Variants in ATP8A1 observed in about 807,000 individuals in gnomAD.
ATP8A1 encodes phospholipid-transporting ATPase IA.
In ATP8A1, 90 loss-of-function variants were observed where a neutral mutation model predicts 177.7. The observed-to-expected ratio is 0.51, with a 90% CI of 0.43 to 0.60. The LOEUF is 0.60. ATP8A1 is among the 20% of genes least tolerant of loss of function. ATP8A1 has a pLI of 0.00. For synonymous variants in ATP8A1, 493 were observed against 485.9 expected (o/e 1.01, Z -0.19); for missense variants, 1,072 against 1,392.8 (o/e 0.77, Z 3.67).
rs181613028 is a variant in ATP8A1, at chr4:42,552,329, C to T, written c.1519+176G>A. On this transcript the variant is annotated intron_variant, in intron 17 of 36. Transcript: ENST00000381668. ...GCCAAAAATTACATATACAAAGTTA[C>T]ACATTTTAAAATATCATGTACATAT... Among the ~76,000 whole-genome samples, 50 of 152,286 alleles carry T rather than the reference C, an allele frequency of 3.3e-4. 1 individual carries two copies. The highest frequency in any genetic ancestry group is 3.2e-3 in the Admixed American group (49 of 15,296).
rs201650577 is a variant in ATP8A1 at position 42,549,003 on chromosome 4, G to A, written c.1652+10C>T. 2.4e-5 allele frequency: 38 copies of A among 1,602,312 alleles called. No homozygotes were observed. In the African/African-American group the frequency reaches 3.2e-4, roughly 14 times the overall value. On this transcript the variant is annotated intron_variant, in intron 19 of 36. Coordinates refer to ENST00000381668, the MANE Select transcript of ATP8A1 (RefSeq NM_006095.2). The stretch of plus-strand genomic sequence containing the variant: ...TCTTATCCATACAAATCACTGAGCA[G>A]ATGTTTTACCTGGTAAACTCCAAGA...
chr4:42,549,925 A>G, intron 18 of ATP8A1, among the ~76,000 whole-genome samples: 1 of 152,314 alleles, frequency 6.6e-6, no homozygotes, highest in East Asian at 1.9e-4. Flanking sequence ...CAGAAACTAA[A>G]TAATAATTTT....
At chr4:42,416,951 T>C (rs12499403) in intron 35 of ATP8A1, among the ~76,000 whole-genome samples, 23,353 of 152,222 alleles carry the variant, frequency 0.15, 2,184 homozygotes, top group East Asian at 0.23. Flanking sequence ...CAAGGTGAGA[T>C]GTGTGTTGCT....
At chr4:42,648,772 TCAATA>T (rs1740802853) in intron 1 of ATP8A1, among the ~76,000 whole-genome samples, 1 of 152,134 alleles carries the variant, frequency 6.6e-6, no homozygotes, top group Admixed American at 6.5e-5. Flanking sequence ...TTCTTAAACT[TCAATA>T]CAAAACTTGA....
chr4:42,422,296 T>C (rs957651757), intron 35 of ATP8A1, among the ~76,000 whole-genome samples: 1 of 152,130 alleles, frequency 6.6e-6, no homozygotes, highest in African/African-American at 2.4e-5. Context: ...TTCACAATGT[T>C]GGTCAGGCTG....
At chr4:42,491,139 T>C (rs1213864376) in intron 24 of ATP8A1, among the ~76,000 whole-genome samples, 1 of 152,116 alleles carries the variant, frequency 6.6e-6, no homozygotes, top group Non-Finnish European at 1.5e-5. Flanking sequence ...GTAGTCATGA[T>C]CTAGTATCTA....
intron 1 of ATP8A1, among the ~76,000 whole-genome samples, chr4:42,653,817 C>G (rs1021826399): frequency 6.6e-6 from 1 of 152,196 alleles, no homozygotes; most frequent in African/African-American, 2.4e-5. Context: ...AGTAATCTAC[C>G]TATCCAAACT....
rs537758430 is a variant in ATP8A1, at chr4:42,467,045, T to C, written c.2325-1969A>G. On this transcript the variant is annotated intron_variant, in intron 25 of 36. Coordinates refer to ENST00000381668, the MANE Select transcript of ATP8A1 (RefSeq NM_006095.2). ...AGGGTTCAACAGAACTAGGAAACAG[T>C]GGTACTTTTTCCATAACTAAACTTG... 2.0e-5 allele frequency among the ~76,000 whole-genome samples: 3 copies of C among 152,318 alleles called. No individual in the cohort carries two copies. The South Asian group carries it at 6.2e-4, about 32-fold the overall frequency.
chr4:42,499,603 C>T (rs774861925), intron 24 of ATP8A1, among the ~76,000 whole-genome samples: 2 of 152,206 alleles, frequency 1.3e-5, no homozygotes, highest in Non-Finnish European at 2.9e-5. Flanking sequence ...AAATCCTGAG[C>T]TATCTCAATG....
chr4:42,470,417 G>T (rs534284536), intron 25 of ATP8A1, among the ~76,000 whole-genome samples: 5 of 152,142 alleles, frequency 3.3e-5, no homozygotes, highest in East Asian at 1.9e-4. Context: ...CACTCTTAAT[G>T]GGATTAGCTA....
intron 24 of ATP8A1, among the ~76,000 whole-genome samples, chr4:42,499,925 G>C (rs1249123010): frequency 6.6e-6 from 1 of 152,178 alleles, no homozygotes; most frequent in Non-Finnish European, 1.5e-5. Context: ...CGATATAAAA[G>C]AGATGCAAAA....
chr4:42,616,121 A>G (rs10033628), intron 4 of ATP8A1, 43 bp from the exon 5 acceptor site: 421,255 of 1,548,558 alleles, frequency 0.27, 60,367 homozygotes, highest in Non-Finnish European at 0.29. Context: ...AAATGTGAAT[A>G]AGATTACTAA....
intron 1 of ATP8A1, among the ~76,000 whole-genome samples, chr4:42,636,150 A>ACGCGTGCG (rs1175397000): frequency 9.4e-5 from 3 of 31,870 alleles, no homozygotes; most frequent in South Asian, 1.2e-3. Context: ...ACACACACAC[A>ACGCGTGCG]CACACACGCA....
intron 1 of ATP8A1, among the ~76,000 whole-genome samples, chr4:42,655,070 G>A (rs1741484123): frequency 6.6e-6 from 1 of 152,224 alleles, no homozygotes; most frequent in Non-Finnish European, 1.5e-5. Flanking sequence ...CACTCACCAA[G>A]CACCACTATG....
At chr4:42,571,982 T>C (rs1412726425) in intron 14 of ATP8A1, among the ~76,000 whole-genome samples, 11 of 152,242 alleles carry the variant, frequency 7.2e-5, no homozygotes, top group Non-Finnish European at 1.5e-5. Flanking sequence ...GGAATTATAC[T>C]ATCAGGAAAC....
intron 1 of ATP8A1, among the ~76,000 whole-genome samples, chr4:42,646,703 AC>A (rs1740572384): frequency 6.6e-6 from 1 of 152,212 alleles, no homozygotes; most frequent in Non-Finnish European, 1.5e-5. Flanking sequence ...CTTCTTAGTG[AC>A]ATTCTGAGCT....
chr4:42,487,692 G>T (rs946868575), intron 24 of ATP8A1, among the ~76,000 whole-genome samples: 1 of 152,034 alleles, frequency 6.6e-6, no homozygotes, highest in Non-Finnish European at 1.5e-5. Context: ...AAAGGCATAG[G>T]TAATTAAAAT....
At chr4:42,613,249 A>T (rs552322765) in intron 5 of ATP8A1, among the ~76,000 whole-genome samples, 30 of 152,340 alleles carry the variant, frequency 2.0e-4, no homozygotes, top group Non-Finnish European at 3.7e-4. Context: ...ACAAAAATAT[A>T]CTATTCTCTT....
At position 42,485,646 on chromosome 4, in the gene ATP8A1, C is replaced by T. The variant is rs145068951; in HGVS notation, c.2174G>A (p.Arg725His). The change falls in exon 25 of 37, where the codon CGT (arginine) becomes CAT (histidine). Residue 725 changes from arginine (R) to histidine (H), a missense_variant. Physicochemically the swap from Arg to His is conservative, Grantham distance 29 (BLOSUM62 0). This residue lies in a region of ATP8A1 where 388 missense variants were observed against 471.7 expected (regional missense o/e 0.82). Transcript: ENST00000381668. ...AGCATCACCAAGGGTAGTACAGTGA[C>T]GACTGAGAGTTTCCCTTGTTCCCTG... ...SLDGTRETLS[R>H]HCTTLGDALR... 36 of 1,610,588 alleles carry T rather than the reference C, an allele frequency of 2.2e-5. No individual in the cohort carries two copies. Among genetic ancestry groups the T allele is most frequent in the South Asian group, 7.8e-5 (7 of 90,126 alleles).
Sources: allele counts gnomAD v4.1 joint callset (sites outside exome capture counted in the v4.1 genomes callset), GRCh38; gene constraint gnomAD v4.1.1; regional missense constraint gnomAD v4.1.1; transcripts MANE v1.5; gene names NCBI Gene and HGNC (gene_info 2026-07-23, HGNC 2026-07-21).